ADAM18: variants seen among roughly 807,000 people sequenced by gnomAD.
The protein encoded by ADAM18 is disintegrin and metalloproteinase domain-containing protein 18.
ADAM18 carries 117 observed loss-of-function variants against 94.4 expected under a neutral mutation model. The ratio of observed to expected loss-of-function variants is 1.24; its 90% confidence interval spans 1.07 to 1.45. The LOEUF (loss-of-function observed/expected upper bound fraction) is 1.45. ADAM18 is among the 40% of genes most tolerant of loss of function. The pLI is 0.00. For synonymous variants in ADAM18, 327 were observed against 291.6 expected (o/e 1.12, Z -1.24); for missense variants, 936 against 880.0 (o/e 1.06, Z -0.81).
At chr8:39,592,928 A>G (rs1417183590) in intron 2 of ADAM18, among the ~76,000 whole-genome samples, 1 of 152,168 alleles carries the variant, frequency 6.6e-6, no homozygotes, top group Non-Finnish European at 1.5e-5. Flanking sequence ...AGGCTGTTTT[A>G]TCTACACTGA....
chr8:39,676,174 C>T (rs1238080206), intron 14 of ADAM18, among the ~76,000 whole-genome samples: 2 of 152,222 alleles, frequency 1.3e-5, no homozygotes, highest in Non-Finnish European at 2.9e-5. Flanking sequence ...CCACTGCTCT[C>T]TTCAGAGCTG....
At chr8:39,636,452 A>G (rs1038299762) in intron 7 of ADAM18, among the ~76,000 whole-genome samples, 5 of 152,190 alleles carry the variant, frequency 3.3e-5, no homozygotes, top group Non-Finnish European at 7.4e-5. Context: ...TTAAAATGTA[A>G]TAAGTTATTG....
At chr8:39,608,846 C>T (rs1342576875) in intron 3 of ADAM18, among the ~76,000 whole-genome samples, 196 bp from the exon 4 acceptor site, 1 of 152,020 alleles carries the variant, frequency 6.6e-6, no homozygotes, top group Non-Finnish European at 1.5e-5. Flanking sequence ...AGAGTCTGTC[C>T]CAGTGCTAAG....
chr8:39,715,705 A>C (rs184388471), intron 18 of ADAM18, among the ~76,000 whole-genome samples: 1 of 152,052 alleles, frequency 6.6e-6, no homozygotes, highest in East Asian at 1.9e-4. Flanking sequence ...ATAAAAAAAC[A>C]ATTCATTGAA....
chr8:39,710,867 G>A (rs914723872), intron 18 of ADAM18, among the ~76,000 whole-genome samples: 3 of 152,082 alleles, frequency 2.0e-5, no homozygotes, highest in African/African-American at 7.2e-5. Context: ...GTGGATATAT[G>A]GAAAATTTAG....
chr8:39,598,923 T>C (rs1357081048), intron 2 of ADAM18, among the ~76,000 whole-genome samples: 1 of 152,054 alleles, frequency 6.6e-6, no homozygotes, highest in East Asian at 1.9e-4. Context: ...GTGATTATCC[T>C]GCCCCAGCCT....
At chr8:39,620,357 C>CAAAAAAAAAAAAAA (rs61555393) in intron 6 of ADAM18, among the ~76,000 whole-genome samples, 201 of 90,502 alleles carry the variant, frequency 2.2e-3, no homozygotes, top group Non-Finnish European at 3.0e-3. Flanking sequence ...GCAACAAAAG[C>CAAAAAAAAAAAAAA]AAAAAAAAAA....
chr8:39,708,916 G>T (rs181589636), intron 18 of ADAM18, among the ~76,000 whole-genome samples: 4 of 152,338 alleles, frequency 2.6e-5, no homozygotes, highest in Admixed American at 2.6e-4. Context: ...ATCTGGAGAG[G>T]TTCCAGTGAC....
At chr8:39,672,609 G>A (rs1481673184) in intron 14 of ADAM18, among the ~76,000 whole-genome samples, 1 of 152,082 alleles carries the variant, frequency 6.6e-6, no homozygotes, top group African/African-American at 2.4e-5. Flanking sequence ...CGCAATGTTA[G>A]GTCCACACTC....
intron 6 of ADAM18, among the ~76,000 whole-genome samples, chr8:39,621,967 A>G (rs984701944): frequency 1.3e-5 from 2 of 152,126 alleles, no homozygotes; most frequent in East Asian, 3.9e-4. Flanking sequence ...AAGAAAAGCT[A>G]ATGGATGCTG....
In ADAM18 at chr8:39,637,520, A is replaced by G. The variant is rs367547346; in HGVS notation, c.661-17A>G. The G allele has an allele frequency of 7.6e-5, 121 of 1,583,312 alleles. No individual in the cohort carries two copies. In the African/African-American group the frequency reaches 1.2e-3, roughly 16 times the overall value. Reference sequence around the variant, plus strand: ...TAACTTGTTTCTTTAAAAATGTACAATACATCTTATTTTTAGATGTTTACC... The same window carrying G: ...TAACTTGTTTCTTTAAAAATGTACAGTACATCTTATTTTTAGATGTTTACC... On this transcript the variant is annotated splice_polypyrimidine_tract_variant and intron_variant, in intron 8 of 19. Transcript: ENST00000265707.
At chr8:39,610,925 A>G in intron 6 of ADAM18, 1 of 1,218,334 alleles carries the variant, frequency 8.2e-7, no homozygotes, top group African/African-American at 1.6e-5. Context: ...ATTAATTTTT[A>G]TATTTTTTTC....
intron 18 of ADAM18, among the ~76,000 whole-genome samples, chr8:39,717,306 T>G (rs972070152): frequency 7.6e-6 from 1 of 132,048 alleles, no homozygotes; most frequent in Non-Finnish European, 1.7e-5. Flanking sequence ...ATTTTTATAG[T>G]TATTTTTAAT....
intron 4 of ADAM18, 98 bp from the exon 5 acceptor site, chr8:39,609,387 A>T (rs1585893861): frequency 1.2e-6 from 1 of 802,360 alleles, no homozygotes; most frequent in East Asian, 2.7e-5. Flanking sequence ...TGATCTTATT[A>T]TTAAATCTTT....
chr8:39,593,168 T>A (rs1225586244), intron 2 of ADAM18, among the ~76,000 whole-genome samples: 1 of 152,208 alleles, frequency 6.6e-6, no homozygotes, highest in Non-Finnish European at 1.5e-5. Flanking sequence ...TTTTTCCAGA[T>A]TAAGCTTTAG....
intron 18 of ADAM18, among the ~76,000 whole-genome samples, chr8:39,711,495 A>G (rs1563316917): frequency 6.6e-6 from 1 of 152,204 alleles, no homozygotes; most frequent in Non-Finnish European, 1.5e-5. Context: ...GAAAACATGG[A>G]CAGAGAACTA....
At chr8:39,647,828 T>C (rs1820427014) in intron 11 of ADAM18, among the ~76,000 whole-genome samples, 1 of 152,194 alleles carries the variant, frequency 6.6e-6, no homozygotes, top group Non-Finnish European at 1.5e-5. Context: ...ATACAGCACA[T>C]GTTTTTGTGA....
At chr8:39,603,222 T>C (rs1326458503) in intron 2 of ADAM18, among the ~76,000 whole-genome samples, 3 of 152,218 alleles carry the variant, frequency 2.0e-5, no homozygotes, top group Non-Finnish European at 4.4e-5. Context: ...TTTCTGTGCG[T>C]CCATTTTGTT....
At chr8:39,601,857 T>C (rs996685532) in intron 2 of ADAM18, among the ~76,000 whole-genome samples, 3 of 152,182 alleles carry the variant, frequency 2.0e-5, no homozygotes, top group Non-Finnish European at 4.4e-5. Context: ...TTTCCAACCA[T>C]CTTTCTACTT....
Sources: gnomAD v4.1 joint callset for allele counts (sites outside exome capture counted in the v4.1 genomes callset) on GRCh38, gnomAD v4.1.1 for gene constraint, MANE v1.5 for transcripts, NCBI Gene and HGNC (gene_info 2026-07-23, HGNC 2026-07-21) for gene names.